GLDN: variants seen among roughly 807,000 people sequenced by gnomAD.
The protein encoded by GLDN is gliomedin.
GLDN carries 47 observed loss-of-function variants against 56.5 expected under a neutral mutation model. The ratio of observed to expected loss-of-function variants is 0.83; its 90% CI spans 0.66 to 1.06. The LOEUF (loss-of-function observed/expected upper bound fraction) is 1.06. Among genes scored for constraint, GLDN ranks in the 50% least tolerant of loss-of-function variants. The pLI, the probability that GLDN is intolerant of heterozygous loss-of-function variation, is 0.00. For synonymous variants in GLDN, 332 were observed against 278.8 expected, an observed-to-expected ratio of 1.19 and a Z score of -1.90; for missense variants, 782 against 714.3, an observed-to-expected ratio of 1.09 and a Z score of -1.08.
At chr15:51,351,395 T>G (rs1368275758) in intron 1 of GLDN, among the ~76,000 whole-genome samples, 1 of 152,196 alleles carries the variant, frequency 6.6e-6, no homozygotes, top group African/African-American at 2.4e-5. Flanking sequence ...ATTTTTGTCT[T>G]GGAACTCAGA....
intron 1 of GLDN, among the ~76,000 whole-genome samples, chr15:51,343,678 T>G: frequency 6.6e-6 from 1 of 152,126 alleles, no homozygotes; most frequent in South Asian, 2.1e-4. Context: ...AACTAACTCA[T>G]CCCCCACCTG....
intron 4 of GLDN, among the ~76,000 whole-genome samples, chr15:51,386,332 C>T (rs1165373258): frequency 6.6e-6 from 1 of 152,170 alleles, no homozygotes; most frequent in African/African-American, 2.4e-5. Context: ...TGGGATCGCT[C>T]ACTTCATGGG....
intron 1 of GLDN, among the ~76,000 whole-genome samples, chr15:51,364,810 T>C (rs1402396214): frequency 6.6e-6 from 1 of 152,240 alleles, no homozygotes; most frequent in African/African-American, 2.4e-5. Context: ...GTAATTATTA[T>C]TGACTGTTAG....
In GLDN at chr15:51,404,745, A is replaced by C. The variant is rs2038338235; in HGVS notation, c.1647A>C (p.Leu549Phe). 1 of 1,548,590 alleles carries C rather than the reference A, an allele frequency of 6.5e-7. No homozygotes were observed. The highest frequency in any genetic ancestry group is 1.4e-5 in the African/African-American group (1 of 73,630). ...LYPVQFLSTT[L>F]NQ ...CTGTGCAGTTTTTGTCAACTACCTT[A>C]AATCAGTGATGTGCTGCATTCGGCT... Residue 549 changes from leucine (L) to phenylalanine (F), a missense_variant, in exon 10 of 10, where the codon TTA (leucine) becomes TTC (phenylalanine). Leu to Phe is a conservative substitution (Grantham distance 22). Coordinates refer to ENST00000335449, the MANE Select transcript of GLDN (RefSeq NM_181789.4).
chr15:51,404,711 T>A lies in GLDN; in HGVS notation c.1613T>A (p.Met538Lys). The A allele has an allele frequency of 6.2e-7, 1 of 1,609,498 alleles. No individual in the cohort carries two copies. The highest frequency in any genetic ancestry group is 8.5e-7 in the Non-Finnish European group (1 of 1,175,868). ...HLYSWEDGHL[M>K]LYPVQFLSTT... ...TATTCATGGGAAGATGGCCATTTAA[T>A]GCTTTATCCTGTGCAGTTTTTGTCA... Residue 538 changes from methionine (M) to lysine (K), a missense_variant, in exon 10 of 10, where the codon ATG becomes AAG. Coordinates refer to ENST00000335449, the MANE Select transcript of GLDN (RefSeq NM_181789.4).
chr15:51,386,552 G>C (rs1354844717), intron 4 of GLDN, among the ~76,000 whole-genome samples: 2 of 152,198 alleles, frequency 1.3e-5, no homozygotes, highest in African/African-American at 4.8e-5. Context: ...AGAAGCCCCA[G>C]AGGGCCGTCA....
At chr15:51,391,294 C>T (rs769586299) in intron 4 of GLDN, among the ~76,000 whole-genome samples, 4 of 151,706 alleles carry the variant, frequency 2.6e-5, no homozygotes, top group African/African-American at 7.3e-5. Flanking sequence ...ATGGCCTTTC[C>T]GAGAAAGAAA....
At chr15:51,410,529 C>G (rs542084052), downstream of GLDN, among the ~76,000 whole-genome samples, 1 of 152,172 alleles carries the variant, frequency 6.6e-6, no homozygotes, top group African/African-American at 2.4e-5. Context: ...TGTCACCGTG[C>G]CTGTAGATTG....
At chr15:51,374,477 C>T (rs564996602) in intron 1 of GLDN, among the ~76,000 whole-genome samples, 88 of 152,244 alleles carry the variant, frequency 5.8e-4, no homozygotes, top group African/African-American at 2.1e-3. Context: ...GACCTGGAAT[C>T]AGGAAACCTG....
chr15:51,402,680 C>T (rs1024759321), intron 9 of GLDN, among the ~76,000 whole-genome samples: 2 of 152,216 alleles, frequency 1.3e-5, no homozygotes, highest in Non-Finnish European at 2.9e-5. Flanking sequence ...CCTTCTCCTA[C>T]CCTTAGTGAG....
At chr15:51,365,239 T>G (rs1271139084) in intron 1 of GLDN, among the ~76,000 whole-genome samples, 1 of 152,246 alleles carries the variant, frequency 6.6e-6, no homozygotes, top group Non-Finnish European at 1.5e-5. Context: ...AATATGTTCA[T>G]TTGTTATTTA....
At chr15:51,376,869 G>T (rs546349516) in intron 1 of GLDN, among the ~76,000 whole-genome samples, 1 of 152,286 alleles carries the variant, frequency 6.6e-6, no homozygotes, top group African/African-American at 2.4e-5. Context: ...GCAATAACAT[G>T]CATGGAGCTG....
intron 1 of GLDN, among the ~76,000 whole-genome samples, chr15:51,364,750 AT>A (rs2037367849): frequency 6.6e-6 from 1 of 151,828 alleles, no homozygotes; most frequent in Non-Finnish European, 1.5e-5. Context: ...CAATTAATTG[AT>A]TTTTCTCCCT....
chr15:51,397,402 G>C (rs1489213620), intron 5 of GLDN, 68 bp from the exon 6 acceptor site: 2 of 525,424 alleles, frequency 3.8e-6, no homozygotes, highest in Non-Finnish European at 5.4e-6. Flanking sequence ...CCCCTTCTCT[G>C]TCCCTCTCTC....
chr15:51,412,960 AT>A (rs147158000), downstream of GLDN, among the ~76,000 whole-genome samples: 4 of 151,082 alleles, frequency 2.6e-5, no homozygotes, highest in African/African-American at 7.3e-5. Context: ...GACAATTTAC[AT>A]TTTTTTTTCT....
chr15:51,401,040 T>G (rs2038238379), intron 8 of GLDN, among the ~76,000 whole-genome samples: 1 of 152,198 alleles, frequency 6.6e-6, no homozygotes, highest in Admixed American at 6.5e-5. Flanking sequence ...AACAGCGGCC[T>G]CATTAAAGGA....
chr15:51,350,589 G>A (rs533982658), intron 1 of GLDN, among the ~76,000 whole-genome samples: 8 of 152,286 alleles, frequency 5.3e-5, no homozygotes, highest in African/African-American at 1.9e-4. Context: ...AGGTTTGGGA[G>A]AGAGCTTGCA....
chr15:51,342,187 A>T (rs976351686), intron 1 of GLDN, 140 bp downstream of exon 1: 9 of 1,104,824 alleles, frequency 8.1e-6, no homozygotes, highest in African/African-American at 4.9e-5. Flanking sequence ...GTAGCTGGGG[A>T]TGTCACCTTG....
intron 5 of GLDN, among the ~76,000 whole-genome samples, chr15:51,396,548 A>C (rs1456466558): frequency 6.6e-6 from 1 of 152,242 alleles, no homozygotes; most frequent in East Asian, 1.9e-4. Flanking sequence ...TTTGGAGATC[A>C]CCTATATGAT....
Sources: allele counts gnomAD v4.1 joint callset (sites outside exome capture counted in the v4.1 genomes callset), GRCh38; gene constraint gnomAD v4.1.1; transcripts MANE v1.5; gene names NCBI Gene and HGNC (gene_info 2026-07-23, HGNC 2026-07-21).